Variants in REV1 observed in about 807,000 individuals in gnomAD.
REV1 encodes translesion synthesis protein REV1.
In REV1, 42 loss-of-function variants were observed where a neutral mutation model predicts 137.4. The ratio of observed to expected loss-of-function variants is 0.31; its 90% CI spans 0.24 to 0.40. REV1 has a LOEUF of 0.40. Among genes scored for constraint, REV1 ranks in the 10% least tolerant of loss-of-function variants. The pLI is 1.00. For missense variants in REV1, 1,282 were observed against 1,490.1 expected (o/e 0.86, Z 2.30); for synonymous variants, 524 against 519.2 (o/e 1.01, Z -0.12).
At position 99,456,119 on chromosome 2, in the gene REV1, A is replaced by G. The variant is rs1683513660; in HGVS notation, c.181+6377T>C. ...CCCAGAGCCTACCTCCCAGATTACA[A>G]TGCAGGCCTCAAATGTGGCCCATTC... On this transcript the variant is annotated intron_variant, in intron 3 of 22. Coordinates refer to ENST00000258428, the MANE Select transcript of REV1 (RefSeq NM_016316.4). Among the ~76,000 whole-genome samples the G allele has an allele frequency of 2.0e-5, 3 of 152,320 alleles. No homozygotes were observed. In the South Asian group the frequency reaches 6.2e-4, roughly 32 times the overall value.
intron 8 of REV1, 31 bp from the exon 9 acceptor site, chr2:99,429,979 A>G (rs764882809): frequency 1.5e-6 from 2 of 1,360,720 alleles, no homozygotes; most frequent in South Asian, 2.7e-5. Context: ...TAATGGTTAT[A>G]TGTTATAAAC....
chr2:99,418,290 A>T (rs1413412181), intron 12 of REV1, among the ~76,000 whole-genome samples: 2 of 152,242 alleles, frequency 1.3e-5, no homozygotes, highest in African/African-American at 4.8e-5. Flanking sequence ...TAGGTGAGAA[A>T]GGTTAAGATG....
At chr2:99,410,917 CT>C (rs1459053245) in intron 13 of REV1, 50 bp from the exon 14 acceptor site, 11 of 1,440,546 alleles carry the variant, frequency 7.6e-6, no homozygotes, top group Non-Finnish European at 1.0e-5. Context: ...TCCTATATAC[CT>C]AATAATTGTT....
intron 10 of REV1, among the ~76,000 whole-genome samples, chr2:99,422,096 G>A (rs958820344): frequency 6.6e-6 from 1 of 152,114 alleles, no homozygotes; most frequent in Non-Finnish European, 1.5e-5. Context: ...ATCAGTAATT[G>A]CTACTCTCCT....
chr2:99,437,369 G>C (rs186014781), intron 6 of REV1, among the ~76,000 whole-genome samples: 1 of 152,046 alleles, frequency 6.6e-6, no homozygotes, highest in Non-Finnish European at 1.5e-5. Flanking sequence ...ACTAAGACTC[G>C]GAGAGGTGAA....
At chr2:99,412,532 T>C (rs1420643875) in intron 13 of REV1, among the ~76,000 whole-genome samples, 199 bp downstream of exon 13, 1 of 152,198 alleles carries the variant, frequency 6.6e-6, no homozygotes, top group Admixed American at 6.5e-5. Flanking sequence ...CCCCAAGAGC[T>C]AAGTTTCCTC....
chr2:99,417,085 C>A (rs763928225), intron 12 of REV1, among the ~76,000 whole-genome samples: 1 of 151,928 alleles, frequency 6.6e-6, no homozygotes, highest in Non-Finnish European at 1.5e-5. Flanking sequence ...CTGTGTCTTC[C>A]CCAAATTTAT....
At chr2:99,428,646 A>G (rs28382913) in intron 9 of REV1, among the ~76,000 whole-genome samples, 1,954 of 152,308 alleles carry the variant, frequency 0.013, 40 homozygotes, top group African/African-American at 0.045. Context: ...CTGAGCTCAA[A>G]TATTTTTTCT....
At chr2:99,419,021 C>T (rs1678276189) in intron 11 of REV1, 74 bp from the exon 12 acceptor site, 1 of 1,174,326 alleles carries the variant, frequency 8.5e-7, no homozygotes, top group Non-Finnish European at 1.2e-6. Context: ...TCTCTTCATA[C>T]AGGTTATCCA....
rs1451314176 is a variant in REV1, at chr2:99,421,512, G to A, written c.1818C>T (p.Ala606=). Residue 606 remains alanine, a synonymous_variant, in exon 11 of 23, where the codon GCC becomes GCT. Coordinates refer to ENST00000258428, the MANE Select transcript of REV1 (RefSeq NM_016316.4). ...MEIKDQTKCA[A]SVGIGSNILL... ...CTAGATACTAACCAATTCCAACAGA[G>A]GCAGCACATTTCGTCTGGTCTTTGA... is the stretch of plus-strand genomic sequence containing the variant. 6.2e-7 allele frequency: 1 copy of A among 1,613,496 alleles called. No individual in the cohort carries two copies. Among genetic ancestry groups the A allele is most frequent in the African/African-American group, 1.3e-5 (1 of 74,846 alleles).
intron 1 of REV1, among the ~76,000 whole-genome samples, chr2:99,472,805 A>T (rs942839325): frequency 2.0e-5 from 3 of 152,240 alleles, no homozygotes; most frequent in Non-Finnish European, 4.4e-5. Context: ...ATGCCCTAAA[A>T]AAAGTTTGGT....
chr2:99,417,657 C>T (rs748643696), intron 12 of REV1, among the ~76,000 whole-genome samples: 5 of 152,196 alleles, frequency 3.3e-5, no homozygotes, highest in Admixed American at 2.0e-4. Context: ...CTGCTGACAC[C>T]TTGATCTTGA....
chr2:99,412,314 GA>G (rs1217069727), intron 13 of REV1, among the ~76,000 whole-genome samples: 4 of 147,622 alleles, frequency 2.7e-5, no homozygotes, highest in African/African-American at 1.0e-4. Context: ...AAGGAAAATG[GA>G]AACTACTCAG....
intron 3 of REV1, among the ~76,000 whole-genome samples, chr2:99,458,741 A>G: frequency 6.6e-6 from 1 of 152,238 alleles, no homozygotes; most frequent in East Asian, 1.9e-4. Flanking sequence ...CAGATAATTT[A>G]TGCTCAGTGA....
Position 99,401,160 on chromosome 2 carries a change from C to CA in REV1, c.*80dup, listed in dbSNP as rs1675338769. 1 of 736,188 alleles carries CA rather than the reference C, an allele frequency of 1.4e-6. No individual in the cohort carries two copies. The highest frequency in any genetic ancestry group is 2.3e-6 in the Non-Finnish European group (1 of 440,898). 45.6% of individuals were successfully genotyped at this position (736,188 alleles called of 1,614,324 possible). On this transcript the variant is annotated 3_prime_UTR_variant, in exon 23 of 23. Transcript: ENST00000258428. ...AATTTAAAATTATAAAAACTCCGAG[C>CA]ATTACTATCATGCACTTTGCAAATA... is the stretch of plus-strand genomic sequence containing the variant.
chr2:99,485,867 C>T (rs1381603761), intron 1 of REV1, among the ~76,000 whole-genome samples: 1 of 152,088 alleles, frequency 6.6e-6, no homozygotes, highest in African/African-American at 2.4e-5. Context: ...TGTAATCCCA[C>T]CATTTTGGGA....
At position 99,401,304 on chromosome 2, in the gene REV1, A is replaced by G. The variant is rs1675362770; in HGVS notation, c.3693T>C (p.Phe1231=). 6.2e-7 allele frequency: 1 copy of G among 1,614,030 alleles called. No individual in the cohort carries two copies. Among genetic ancestry groups the G allele is most frequent in the Non-Finnish European group, 8.5e-7 (1 of 1,179,906 alleles). The change falls in exon 23 of 23, where the codon TTT becomes TTC. Residue 1231 remains phenylalanine, a synonymous_variant. Transcript: ENST00000258428. ...AAACCACCTGGACATTGTCAAGAAT[A>G]AAGTCAAATGCCATATTCCAAACCG... ...VESVWNMAFD[F]ILDNVQVVLQ...
intron 1 of REV1, among the ~76,000 whole-genome samples, chr2:99,486,269 C>A (rs534190496): frequency 6.6e-6 from 1 of 152,360 alleles, no homozygotes; most frequent in African/African-American, 2.4e-5. Flanking sequence ...GTGGCTCACG[C>A]CTGTAATCCC....
chr2:99,439,127 A>G lies in REV1; in HGVS notation c.687T>C (p.Thr229=). The G allele has an allele frequency of 6.2e-7, 1 of 1,614,152 alleles. No homozygotes were observed. Among genetic ancestry groups the G allele is most frequent in the Non-Finnish European group, 8.5e-7 (1 of 1,180,018 alleles). ...TCTTTAAGGCACCATTAGAGCTAGGAGTGTGTCCATTAAAAATGGCAGTGC... is the reference window on the plus strand; with the variant it reads ...TCTTTAAGGCACCATTAGAGCTAGGGGTGTGTCCATTAAAAATGGCAGTGC... The part of the protein sequence containing the change: ...RGSTAIFNGH[T]PSSNGALKTQ... Residue 229 remains threonine, a synonymous_variant, in exon 6 of 23, where the codon ACT becomes ACC. Coordinates refer to ENST00000258428, the MANE Select transcript of REV1 (RefSeq NM_016316.4).
Sources: allele counts gnomAD v4.1 joint callset (sites outside exome capture counted in the v4.1 genomes callset), GRCh38; gene constraint gnomAD v4.1.1; transcripts MANE v1.5; gene names NCBI Gene and HGNC (gene_info 2026-07-23, HGNC 2026-07-21).